GLIPR1L1: variants seen among roughly 807,000 people sequenced by gnomAD.
The protein encoded by GLIPR1L1 is GLIPR1 like 1.
GLIPR1L1 carries 26 observed loss-of-function variants against 29.9 expected under a neutral mutation model. That is an observed-to-expected ratio of 0.87 (90% CI 0.64 to 1.21). The LOEUF is 1.21. Ranked by LOEUF, GLIPR1L1 falls within the 50% of genes most tolerant of loss-of-function variation. The pLI, the probability that GLIPR1L1 is intolerant of heterozygous loss-of-function variation, is 0.00. For synonymous variants in GLIPR1L1, 77 were observed against 97.5 expected (o/e 0.79, Z 1.24); for missense variants, 305 against 290.3 (o/e 1.05, Z -0.37).
intron 1 of GLIPR1L1, among the ~76,000 whole-genome samples, chr12:75,339,331 T>C (rs1200819141): frequency 6.6e-6 from 1 of 152,240 alleles, no homozygotes. Flanking sequence ...TGGTTTTGAT[T>C]GCATTTTTCT....
chr12:75,341,842 T>C (rs2042143321), intron 1 of GLIPR1L1, among the ~76,000 whole-genome samples: 1 of 139,896 alleles, frequency 7.1e-6, no homozygotes, highest in African/African-American at 2.7e-5. Flanking sequence ...CTCCGCCTCC[T>C]AGGTTCAAGC....
At chr12:75,347,779 C>A in intron 3 of GLIPR1L1, 57 bp downstream of exon 3, 1 of 1,127,434 alleles carries the variant, frequency 8.9e-7, no homozygotes, top group Non-Finnish European at 1.3e-6. Context: ...TGATGGTTGC[C>A]AAATAAGAGG....
At chr12:75,368,111 T>C (rs1192517948) in intron 4 of GLIPR1L1, among the ~76,000 whole-genome samples, 1 of 152,092 alleles carries the variant, frequency 6.6e-6, no homozygotes, top group Non-Finnish European at 1.5e-5. Context: ...ATAACACAGC[T>C]ACACTGTAAA....
chr12:75,357,273 T>C (rs888777325), intron 3 of GLIPR1L1, among the ~76,000 whole-genome samples: 2 of 152,176 alleles, frequency 1.3e-5, no homozygotes. Context: ...CAGAGATAAA[T>C]TTCACTTCAC....
chr12:75,358,863 AACATATATAATATATAATTATATATATT>A (rs1199034995), intron 3 of GLIPR1L1, among the ~76,000 whole-genome samples: 3 of 144,742 alleles, frequency 2.1e-5, no homozygotes. Flanking sequence ...ATATGGTTTA[AACATATATAATATATAATTATATATATT>A]ACATATAATT....
intron 4 of GLIPR1L1, among the ~76,000 whole-genome samples, chr12:75,367,403 A>G (rs1218486195): frequency 6.6e-6 from 1 of 152,040 alleles, no homozygotes; most frequent in Non-Finnish European, 1.5e-5. Flanking sequence ...TTCCACTTAC[A>G]ATTTTTATTT....
At chr12:75,354,062 A>C (rs1228865045) in intron 3 of GLIPR1L1, among the ~76,000 whole-genome samples, 1 of 151,070 alleles carries the variant, frequency 6.6e-6, no homozygotes, top group East Asian at 2.0e-4. Flanking sequence ...AGCTGGATGC[A>C]TTCCCCTTGA....
chr12:75,363,911 A>C (rs2043790186), intron 4 of GLIPR1L1, among the ~76,000 whole-genome samples: 1 of 152,168 alleles, frequency 6.6e-6, no homozygotes, highest in African/African-American at 2.4e-5. Flanking sequence ...AGACAACTGG[A>C]AGTAGGGCTT....
intron 3 of GLIPR1L1, among the ~76,000 whole-genome samples, chr12:75,361,343 G>A (rs1274857164): frequency 1.3e-5 from 2 of 152,172 alleles, no homozygotes; most frequent in Admixed American, 1.3e-4. Flanking sequence ...CACCAAACAA[G>A]AAAACAAGTT....
chr12:75,363,690 A>T (rs946491752), intron 4 of GLIPR1L1, among the ~76,000 whole-genome samples: 2 of 152,184 alleles, frequency 1.3e-5, no homozygotes. Flanking sequence ...AAATGGAGCC[A>T]TGTGTCAACA....
intron 3 of GLIPR1L1, among the ~76,000 whole-genome samples, chr12:75,354,470 G>A (rs1228530201): frequency 6.6e-6 from 1 of 152,026 alleles, no homozygotes; most frequent in Non-Finnish European, 1.5e-5. Flanking sequence ...CACTGCTCAA[G>A]GAAATCAGAG....
chr12:75,369,919 T>C, intron 4 of GLIPR1L1, 41 bp from the exon 5 acceptor site: 1 of 1,237,306 alleles, frequency 8.1e-7, no homozygotes. Flanking sequence ...GTTTTCTTGT[T>C]TTATAACATT....
chr12:75,351,592 G>A (rs1401325778), intron 3 of GLIPR1L1, among the ~76,000 whole-genome samples: 2 of 150,310 alleles, frequency 1.3e-5, no homozygotes, highest in Non-Finnish European at 1.5e-5. Context: ...TGTCACCCAA[G>A]GTGGAGTGTA....
At chr12:75,340,475 G>T (rs1384642572) in intron 1 of GLIPR1L1, among the ~76,000 whole-genome samples, 1 of 151,520 alleles carries the variant, frequency 6.6e-6, no homozygotes, top group African/African-American at 2.4e-5. Context: ...ACTATTAGAA[G>T]AAAAACAGGA....
intron 4 of GLIPR1L1, among the ~76,000 whole-genome samples, chr12:75,366,419 AGAT>A (rs951406735): frequency 1.3e-5 from 2 of 152,164 alleles, no homozygotes; most frequent in Non-Finnish European, 2.9e-5. Context: ...CTTGAGTTGC[AGAT>A]TGACCTTTGG....
chr12:75,366,170 C>A (rs1355302702), intron 4 of GLIPR1L1, among the ~76,000 whole-genome samples: 1 of 152,076 alleles, frequency 6.6e-6, no homozygotes, highest in Non-Finnish European at 1.5e-5. Context: ...TAACTTTAAG[C>A]CAGTTTGGTA....
At chr12:75,339,094 C>T (rs1016031551) in intron 1 of GLIPR1L1, among the ~76,000 whole-genome samples, 5 of 152,222 alleles carry the variant, frequency 3.3e-5, no homozygotes, top group African/African-American at 9.6e-5. Context: ...ATAGAATGAT[C>T]TATATTCCTT....
At chr12:75,338,097 CT>C in intron 1 of GLIPR1L1, among the ~76,000 whole-genome samples, 1 of 152,092 alleles carries the variant, frequency 6.6e-6, no homozygotes. Flanking sequence ...AAGAGAAAAC[CT>C]TTTGGAACTT....
At chr12:75,370,063 G>T in intron 5 of GLIPR1L1, 22 bp from the exon 6 acceptor site, 1 of 1,487,264 alleles carries the variant, frequency 6.7e-7, no homozygotes. Flanking sequence ...AACTATTCTG[G>T]TTTTGTTTTT....
Sources: allele counts gnomAD v4.1 joint callset (sites outside exome capture counted in the v4.1 genomes callset), GRCh38; gene constraint gnomAD v4.1.1; transcripts MANE v1.5; gene names NCBI Gene and HGNC (gene_info 2026-07-23, HGNC 2026-07-21).